SNTG1: variants seen among roughly 807,000 people sequenced by gnomAD.
SNTG1 encodes the protein syntrophin gamma 1, also known as gamma-1-syntrophin.
In SNTG1, 39 loss-of-function variants were observed where a neutral mutation model predicts 74.7. That is an observed-to-expected ratio of 0.52 (90% CI 0.40 to 0.68). The LOEUF (loss-of-function observed/expected upper bound fraction) is 0.68. Ranked by LOEUF, SNTG1 falls within the 30% of genes least tolerant of loss-of-function variation. SNTG1 has a pLI of 0.00. For synonymous variants in SNTG1, 254 were observed against 217.1 expected (o/e 1.17, Z -1.49); for missense variants, 685 against 609.5 (o/e 1.12, Z -1.30).
At chr8:50,007,827 G>A (rs1375132512) in intron 1 of SNTG1, among the ~76,000 whole-genome samples, 1 of 152,080 alleles carries the variant, frequency 6.6e-6, no homozygotes, top group Non-Finnish European at 1.5e-5. Flanking sequence ...TAAAAAAAAG[G>A]TTTAATTGAC....
intron 8 of SNTG1, among the ~76,000 whole-genome samples, chr8:50,480,016 T>C (rs2093727057): frequency 6.6e-6 from 1 of 152,312 alleles, no homozygotes; most frequent in East Asian, 1.9e-4. Flanking sequence ...GTGGAGACTT[T>C]AAAATAGTGA....
At chr8:50,563,599 T>C (rs1332587511) in intron 12 of SNTG1, among the ~76,000 whole-genome samples, 1 of 152,146 alleles carries the variant, frequency 6.6e-6, no homozygotes, top group Non-Finnish European at 1.5e-5. Context: ...ATTTTGTTTC[T>C]ATAACTCACT....
At chr8:50,602,249 T>C (rs760650909) in intron 13 of SNTG1, among the ~76,000 whole-genome samples, 29 of 150,214 alleles carry the variant, frequency 1.9e-4, no homozygotes, top group Non-Finnish European at 3.7e-4. Flanking sequence ...GGTGGTATGA[T>C]TTAAATTCTT....
At position 50,742,176 on chromosome 8, in the gene SNTG1, C is replaced by T. The variant is rs774134567; in HGVS notation, c.1285-9825C>T. Reference sequence around the variant, plus strand: ...CACACACAAAATTAACCAACTGGATCTAACAGACATATGCATGCCATATAT... The same window carrying T: ...CACACACAAAATTAACCAACTGGATTTAACAGACATATGCATGCCATATAT... On this transcript the variant is annotated intron_variant, in intron 17 of 18. Transcript: ENST00000642720. 3.3e-5 allele frequency among the ~76,000 whole-genome samples: 5 copies of T among 151,898 alleles called. No individual in the cohort carries two copies. In the South Asian group the frequency reaches 6.2e-4, roughly 19 times the overall value.
chr8:50,401,747 C>T (rs1478430400), intron 3 of SNTG1, among the ~76,000 whole-genome samples: 1 of 151,910 alleles, frequency 6.6e-6, no homozygotes, highest in Non-Finnish European at 1.5e-5. Context: ...GAGTGTGTTC[C>T]TTCTTTTTGA....
chr8:50,723,324 C>A (rs1445162803), intron 17 of SNTG1, among the ~76,000 whole-genome samples: 4 of 152,122 alleles, frequency 2.6e-5, no homozygotes, highest in Non-Finnish European at 5.9e-5. Context: ...TCGACTTGAT[C>A]TCTACCAAGT....
At chr8:49,982,343 T>C (rs938067216) in intron 1 of SNTG1, among the ~76,000 whole-genome samples, 1 of 152,134 alleles carries the variant, frequency 6.6e-6, no homozygotes, top group Non-Finnish European at 1.5e-5. Context: ...ACTTCTTCAG[T>C]AAATGTTTTT....
At chr8:50,704,454 T>A (rs2095436575) in intron 15 of SNTG1, 146 bp from the exon 16 acceptor site, 1 of 951,112 alleles carries the variant, frequency 1.1e-6, no homozygotes, top group South Asian at 1.3e-5. Context: ...CCCGGAGTTC[T>A]GGTATAATGT....
At chr8:50,131,828 A>G (rs1406019045) in intron 1 of SNTG1, among the ~76,000 whole-genome samples, 2 of 152,014 alleles carry the variant, frequency 1.3e-5, no homozygotes, top group Admixed American at 6.6e-5. Flanking sequence ...CTCTCTTCAC[A>G]TCCTTCCCAA....
intron 2 of SNTG1, among the ~76,000 whole-genome samples, chr8:50,292,114 A>G (rs1463684962): frequency 6.6e-6 from 1 of 152,176 alleles, no homozygotes; most frequent in Non-Finnish European, 1.5e-5. Context: ...AGCTGAAAAT[A>G]CGGTATCCAT....
intron 2 of SNTG1, among the ~76,000 whole-genome samples, chr8:50,245,980 A>C (rs1489211266): frequency 6.6e-6 from 1 of 151,950 alleles, no homozygotes; most frequent in Non-Finnish European, 1.5e-5. Context: ...TTATAATTTC[A>C]AAAGCCATGG....
intron 1 of SNTG1, among the ~76,000 whole-genome samples, chr8:49,948,936 T>G (rs1166289151): frequency 1.3e-5 from 2 of 152,174 alleles, no homozygotes; most frequent in African/African-American, 4.8e-5. Flanking sequence ...TCCCTGATCT[T>G]TGCCACCCTT....
At chr8:50,510,919 T>C (rs1302502657) in intron 9 of SNTG1, among the ~76,000 whole-genome samples, 1 of 152,066 alleles carries the variant, frequency 6.6e-6, no homozygotes, top group Non-Finnish European at 1.5e-5. Context: ...ATTTCCTTCA[T>C]TTCTGCTCTG....
At chr8:50,290,622 T>C (rs1056166299) in intron 2 of SNTG1, among the ~76,000 whole-genome samples, 1 of 152,230 alleles carries the variant, frequency 6.6e-6, no homozygotes, top group Non-Finnish European at 1.5e-5. Flanking sequence ...GCACATATAT[T>C]ACTTTATTGT....
At chr8:49,939,258 C>G (rs1808459261) in intron 1 of SNTG1, among the ~76,000 whole-genome samples, 1 of 152,156 alleles carries the variant, frequency 6.6e-6, no homozygotes, top group Admixed American at 6.6e-5. Context: ...CATATGTTGG[C>G]AACTAAATTT....
chr8:50,088,661 T>A (rs201538060), intron 1 of SNTG1, among the ~76,000 whole-genome samples: 1 of 131,586 alleles, frequency 7.6e-6, no homozygotes, highest in African/African-American at 2.5e-5. Flanking sequence ...CACAATTGCT[T>A]CAAAGAGAAT....
At chr8:50,505,307 A>G (rs1563490235) in intron 9 of SNTG1, among the ~76,000 whole-genome samples, 1 of 152,278 alleles carries the variant, frequency 6.6e-6, no homozygotes, top group East Asian at 1.9e-4. Context: ...GAGTGTACAA[A>G]TATCATTCAC....
At chr8:50,767,360 G>T (rs1337548551) in intron 18 of SNTG1, among the ~76,000 whole-genome samples, 2 of 151,904 alleles carry the variant, frequency 1.3e-5, no homozygotes, top group South Asian at 2.1e-4. Flanking sequence ...GTTTACATAG[G>T]AATTGGGAGA....
At chr8:50,001,984 A>C (rs1814781510) in intron 1 of SNTG1, among the ~76,000 whole-genome samples, 1 of 152,144 alleles carries the variant, frequency 6.6e-6, no homozygotes, top group African/African-American at 2.4e-5. Context: ...TCAGGCTGGG[A>C]AGGAGGTTTT....
Sources: gnomAD v4.1 joint callset for allele counts (sites outside exome capture counted in the v4.1 genomes callset) on GRCh38, gnomAD v4.1.1 for gene constraint, MANE v1.5 for transcripts, NCBI Gene and HGNC (gene_info 2026-07-23, HGNC 2026-07-21) for gene names.